The following NOS1AP variants were observed in gnomAD, a reference collection of about 807,000 sequenced individuals.
NOS1AP encodes nitric oxide synthase 1 adaptor protein, also known as carboxyl-terminal PDZ ligand of neuronal nitric oxide synthase protein.
In NOS1AP, 21 loss-of-function variants were observed where a neutral mutation model predicts 56.2. The ratio of observed to expected loss-of-function variants is 0.37; its 90% CI spans 0.26 to 0.54. The LOEUF (loss-of-function observed/expected upper bound fraction) is 0.54, where lower values mean the gene tolerates loss of function less well. NOS1AP is among the 20% of genes least tolerant of loss of function. The probability of loss-of-function intolerance (pLI) is 0.84; values close to 1 mark genes in which losing one functional copy is unlikely to be tolerated. For synonymous variants in NOS1AP, 270 were observed against 274.6 expected (o/e 0.98, Z 0.17); for missense variants, 522 against 657.8 (o/e 0.79, Z 2.26).
At chr1:162,331,637 A>G (rs1425707519) in intron 4 of NOS1AP, among the ~76,000 whole-genome samples, 1 of 152,178 alleles carries the variant, frequency 6.6e-6, no homozygotes, top group Non-Finnish European at 1.5e-5. Context: ...CCTACACTAA[A>G]ACAAATCAGA....
At chr1:162,315,671 A>G (rs990713964) in intron 4 of NOS1AP, among the ~76,000 whole-genome samples, 1 of 152,244 alleles carries the variant, frequency 6.6e-6, no homozygotes, top group Non-Finnish European at 1.5e-5. Flanking sequence ...TTGAGGAGTT[A>G]CAGCCTTTCC....
intron 4 of NOS1AP, among the ~76,000 whole-genome samples, chr1:162,305,523 A>G (rs1182523790): frequency 1.3e-5 from 2 of 151,960 alleles, no homozygotes; most frequent in African/African-American, 4.8e-5. Flanking sequence ...CCTAGCTCTT[A>G]TCTCTGGAGC....
chr1:162,207,083 A>G (rs1412900875), intron 2 of NOS1AP, among the ~76,000 whole-genome samples: 1 of 152,350 alleles, frequency 6.6e-6, no homozygotes, highest in South Asian at 2.1e-4. Flanking sequence ...TTTTTATCAC[A>G]TAATTAGAGG....
chr1:162,085,068 C>T (rs1691973768), intron 1 of NOS1AP, among the ~76,000 whole-genome samples: 1 of 152,138 alleles, frequency 6.6e-6, no homozygotes, highest in Non-Finnish European at 1.5e-5. Flanking sequence ...TTAGAGAGAA[C>T]AGGCTTTCTT....
chr1:162,331,020 C>G (rs189752858), intron 4 of NOS1AP, among the ~76,000 whole-genome samples: 2 of 151,972 alleles, frequency 1.3e-5, no homozygotes, highest in East Asian at 1.9e-4. Flanking sequence ...TGAATTCACT[C>G]GGGGGTATGA....
At chr1:162,154,749 T>C (rs907069072) in intron 2 of NOS1AP, among the ~76,000 whole-genome samples, 9 of 152,164 alleles carry the variant, frequency 5.9e-5, no homozygotes, top group African/African-American at 2.2e-4. Flanking sequence ...ACCTTGATGA[T>C]GTGTGGTGAC....
rs1208542419 is a variant in NOS1AP, at chr1:162,289,231, T to TC, written c.270+1797dup. 9.3e-5 allele frequency among the ~76,000 whole-genome samples: 5 copies of TC among 53,596 alleles called. No individual in the cohort carries two copies. The East Asian group carries it at 2.3e-3, about 24-fold the overall frequency. 35.2% of individuals were successfully genotyped at this position (53,596 alleles called of 152,430 possible). A position where few individuals can be genotyped will look rare whatever the true frequency, so the allele number is the denominator to read the frequency against. The stretch of plus-strand genomic sequence containing the variant: ...TCCTTTCCTTCCTTCCTTCCTTCCT[T>TC]CCTTCCTTCCTTCCTTCCTTCCTTC... On this transcript the variant is annotated intron_variant, in intron 3 of 9. Transcript: ENST00000361897.
intron 2 of NOS1AP, among the ~76,000 whole-genome samples, chr1:162,220,616 G>A (rs1176271287): frequency 6.6e-6 from 1 of 152,170 alleles, no homozygotes; most frequent in Admixed American, 6.5e-5. Flanking sequence ...TGATCCCTGG[G>A]TTTTGTCAGA....
At chr1:162,291,906 G>A (rs1303027441) in intron 3 of NOS1AP, among the ~76,000 whole-genome samples, 4 of 152,122 alleles carry the variant, frequency 2.6e-5, no homozygotes, top group Admixed American at 6.5e-5. Context: ...CTGGAATCAC[G>A]CTATAGCACC....
intron 1 of NOS1AP, among the ~76,000 whole-genome samples, chr1:162,076,773 T>C (rs887225832): frequency 2.0e-5 from 3 of 152,222 alleles, no homozygotes; most frequent in Non-Finnish European, 2.9e-5. Flanking sequence ...TTCCCAGACC[T>C]GAACAGCCAC....
At chr1:162,259,347 TAAC>T (rs1352691765) in intron 2 of NOS1AP, among the ~76,000 whole-genome samples, 1 of 152,202 alleles carries the variant, frequency 6.6e-6, no homozygotes, top group Non-Finnish European at 1.5e-5. Context: ...ACGGCAGACT[TAAC>T]AATACAAATA....
At chr1:162,091,995 G>C (rs1262030027) in intron 1 of NOS1AP, among the ~76,000 whole-genome samples, 2 of 152,154 alleles carry the variant, frequency 1.3e-5, no homozygotes, top group Non-Finnish European at 2.9e-5. Flanking sequence ...TCTGAGATTA[G>C]GTCCTAAATC....
At position 162,355,260 on chromosome 1, in the gene NOS1AP, C is replaced by T; in HGVS notation, c.669C>T (p.Val223=). Residue 223 remains valine, a synonymous_variant, in exon 7 of 10, where the codon GTC becomes GTT. Transcript: ENST00000361897. ...AGACTGACATCGATGCGGTGGAGGT[C>T]CCACTTCCAGGGAATGATGTCCTGG... ...AEETDIDAVE[V]PLPGNDVLEF... 6.2e-7 allele frequency: 1 copy of T among 1,614,122 alleles called. No individual in the cohort carries two copies. Among genetic ancestry groups the T allele is most frequent in the Non-Finnish European group, 8.5e-7 (1 of 1,180,026 alleles).
At chr1:162,357,383 G>A (rs1046073951) in intron 8 of NOS1AP, among the ~76,000 whole-genome samples, 3 of 152,120 alleles carry the variant, frequency 2.0e-5, no homozygotes, top group Non-Finnish European at 4.4e-5. Flanking sequence ...TGGCTGGCTT[G>A]GCTGAATGTT....
intron 2 of NOS1AP, among the ~76,000 whole-genome samples, chr1:162,252,100 T>C (rs1371842992): frequency 6.6e-6 from 1 of 152,018 alleles, no homozygotes; most frequent in East Asian, 1.9e-4. Context: ...AATGCAGTGG[T>C]GCAATCTTGG....
At chr1:162,359,722 G>GGT (rs1557892738) in intron 8 of NOS1AP, among the ~76,000 whole-genome samples, 3 of 147,622 alleles carry the variant, frequency 2.0e-5, no homozygotes, top group African/African-American at 8.1e-5. Context: ...CTCTACGCGG[G>GGT]GGGGGGCTGA....
chr1:162,262,339 T>C (rs1654267018), intron 2 of NOS1AP, among the ~76,000 whole-genome samples: 3 of 152,240 alleles, frequency 2.0e-5, no homozygotes, highest in South Asian at 2.1e-4. Context: ...CATTCTTTCA[T>C]TGACTATAGC....
Position 162,178,467 on chromosome 1 carries a change from G to C in NOS1AP, c.177+23991G>C, listed in dbSNP as rs867923773. On this transcript the variant is annotated intron_variant, in intron 2 of 9. Coordinates refer to ENST00000361897, the MANE Select transcript of NOS1AP (RefSeq NM_014697.3). ...TGAGTATGTGCCATACACCAAACAT[G>C]GTGCTAGTTGCTAATATATTATTTA... Among the ~76,000 whole-genome samples, 6 of 152,274 alleles carry C rather than the reference G, an allele frequency of 3.9e-5. No individual in the cohort carries two copies. In the South Asian group the frequency reaches 8.3e-4, roughly 21 times the overall value.
intron 4 of NOS1AP, among the ~76,000 whole-genome samples, chr1:162,303,683 C>T (rs948936814): frequency 1.3e-5 from 2 of 152,144 alleles, no homozygotes; most frequent in African/African-American, 2.4e-5. Flanking sequence ...CTCAAGCGAA[C>T]CTTCCATCTC....
Sources: gnomAD v4.1 joint callset for allele counts (sites outside exome capture counted in the v4.1 genomes callset) on GRCh38, gnomAD v4.1.1 for gene constraint, MANE v1.5 for transcripts, NCBI Gene and HGNC (gene_info 2026-07-23, HGNC 2026-07-21) for gene names.